The following UPP2 variants were observed in gnomAD, a reference collection of about 807,000 sequenced individuals.
UPP2 encodes the protein uridine phosphorylase 2.
In UPP2, 23 loss-of-function variants were observed where a neutral mutation model predicts 26.7. That is an observed-to-expected ratio of 0.86 (90% CI 0.62 to 1.22). UPP2 has a LOEUF of 1.22. UPP2 is among the 50% of genes most tolerant of loss of function. The pLI is 0.00. For synonymous variants in UPP2, 127 were observed against 141.3 expected (o/e 0.90, Z 0.72); for missense variants, 387 against 396.7 (o/e 0.98, Z 0.21).
At chr2:158,072,663 GACA>G (rs1682562191) in intron 3 of UPP2, among the ~76,000 whole-genome samples, 1 of 144,462 alleles carries the variant, frequency 6.9e-6, no homozygotes, top group Non-Finnish European at 1.5e-5. Context: ...CAGACAGACA[GACA>G]GACAGACAGA....
intron 3 of UPP2, among the ~76,000 whole-genome samples, chr2:158,034,916 A>C (rs1344173142): frequency 6.6e-6 from 1 of 152,112 alleles, no homozygotes; most frequent in Non-Finnish European, 1.5e-5. Flanking sequence ...CCTCCAAATA[A>C]AGTGCACATC....
chr2:158,025,836 G>A (rs970401980), intron 3 of UPP2, among the ~76,000 whole-genome samples: 11 of 152,232 alleles, frequency 7.2e-5, no homozygotes, highest in East Asian at 3.8e-4. Flanking sequence ...AACAATGTGC[G>A]TAGAGAGGTC....
intron 3 of UPP2, among the ~76,000 whole-genome samples, chr2:158,042,147 A>C (rs1448141632): frequency 6.6e-6 from 1 of 152,222 alleles, no homozygotes; most frequent in Non-Finnish European, 1.5e-5. Flanking sequence ...CGCCAGGCAT[A>C]GAAAAAAGTT....
At chr2:158,067,439 CAAAG>C (rs925002628) in intron 3 of UPP2, among the ~76,000 whole-genome samples, 2 of 149,306 alleles carry the variant, frequency 1.3e-5, no homozygotes, top group Non-Finnish European at 3.0e-5. Flanking sequence ...GGAGTGAAGA[CAAAG>C]AAAGACAAAT....
At chr2:158,066,370 T>C (rs1004915361) in intron 3 of UPP2, among the ~76,000 whole-genome samples, 2 of 152,240 alleles carry the variant, frequency 1.3e-5, no homozygotes, top group African/African-American at 4.8e-5. Context: ...CTTGTTTAAA[T>C]CTATTTGCTT....
In UPP2 at chr2:158,096,530, C is replaced by T. The variant is rs376703552; in HGVS notation, c.148-5510C>T. Among the ~76,000 whole-genome samples, 27 of 152,158 alleles carry T rather than the reference C, an allele frequency of 1.8e-4. 1 individual carries two copies. In the East Asian group the frequency reaches 3.1e-3, roughly 17 times the overall value. On this transcript the variant is annotated intron_variant, in intron 3 of 9. Coordinates refer to the UPP2 transcript ENST00000605860. ...AGGAGAATTGCTTGAGCCTGGGAAG[C>T]GGAGGTTGCGGTGAACTGAGATTGC...
intron 2 of UPP2, chr2:157,995,305 G>A (rs745510403): frequency 6.3e-7 from 1 of 1,591,618 alleles, no homozygotes; most frequent in African/African-American, 1.3e-5. Flanking sequence ...AAGCACATGT[G>A]TCTGGTCATA....
intron 3 of UPP2, among the ~76,000 whole-genome samples, chr2:158,081,587 A>C (rs1287644601): frequency 6.6e-6 from 1 of 152,200 alleles, no homozygotes; most frequent in Non-Finnish European, 1.5e-5. Context: ...CAGTGGTTGA[A>C]TAGATAAAGG....
chr2:158,035,968 T>C (rs1405199996), intron 3 of UPP2, among the ~76,000 whole-genome samples: 1 of 152,172 alleles, frequency 6.6e-6, no homozygotes, highest in Admixed American at 6.5e-5. Context: ...TTGTGTCAAA[T>C]AGTTGGCCAA....
rs1553467788 is a variant in UPP2 at position 158,083,865 on chromosome 2, T to TATATATATATATATATATATATATA, written c.148-18175_148-18174insATATATATATATATATATATATATA. Among the ~76,000 whole-genome samples, 112 of 118,670 alleles carry TATATATATATATATATATATATATA rather than the reference T, an allele frequency of 9.4e-4. 1 individual carries two copies. The highest frequency in any genetic ancestry group is 3.3e-3 in the African/African-American group (104 of 31,166). 77.9% of individuals were successfully genotyped at this position (118,670 alleles called of 152,430 possible). A position where few individuals can be genotyped will look rare whatever the true frequency, so the allele number is the denominator to read the frequency against. Reference sequence around the variant, plus strand: ...TTATGTCTGTTTATATATATATGTTTTTTATATATATATATATATCTCACA... The same window carrying TATATATATATATATATATATATATA: ...TTATGTCTGTTTATATATATATGTTTATATATATATATATATATATATATATTTATATATATATATATATCTCACA... On this transcript the variant is annotated intron_variant, in intron 3 of 9. Transcript: ENST00000605860.
chr2:158,108,885 A>AGTGTGT, intron 2 of UPP2, among the ~76,000 whole-genome samples: 1 of 122,782 alleles, frequency 8.1e-6, no homozygotes, highest in East Asian at 2.5e-4. Flanking sequence ...AGGAGGCAAA[A>AGTGTGT]GCGTGTGTGT....
At chr2:157,999,063 A>G (rs1170707997) in intron 2 of UPP2, among the ~76,000 whole-genome samples, 2 of 152,108 alleles carry the variant, frequency 1.3e-5, no homozygotes, top group East Asian at 1.9e-4. Context: ...TTCTATTGAC[A>G]TGTCCTCATT....
intron 3 of UPP2, among the ~76,000 whole-genome samples, chr2:158,020,505 C>T (rs1683732840): frequency 6.6e-6 from 1 of 152,218 alleles, no homozygotes; most frequent in African/African-American, 2.4e-5. Flanking sequence ...AATTGATCTT[C>T]TCCTAGTTCC....
At chr2:158,002,144 G>A (rs1403965131) in intron 2 of UPP2, among the ~76,000 whole-genome samples, 1 of 151,962 alleles carries the variant, frequency 6.6e-6, no homozygotes, top group Non-Finnish European at 1.5e-5. Flanking sequence ...TGCAGGGCAG[G>A]GGAATAAAAA....
chr2:158,036,754 T>C (rs1684007694), intron 3 of UPP2, among the ~76,000 whole-genome samples: 1 of 152,232 alleles, frequency 6.6e-6, no homozygotes, highest in Admixed American at 6.5e-5. Context: ...GTCAGTTATC[T>C]GTCCCTGTGG....
chr2:158,028,715 G>A (rs1276924163), intron 3 of UPP2, among the ~76,000 whole-genome samples: 2 of 152,216 alleles, frequency 1.3e-5, no homozygotes, highest in African/African-American at 2.4e-5. Flanking sequence ...AAGAAAAAGA[G>A]GTTTAATTGG....
At chr2:158,078,826 C>A (rs1682672870) in intron 3 of UPP2, among the ~76,000 whole-genome samples, 1 of 151,888 alleles carries the variant, frequency 6.6e-6, no homozygotes, top group Non-Finnish European at 1.5e-5. Context: ...GGGATGGATA[C>A]CCCGTTTACC....
chr2:158,057,148 T>C (rs540428676), intron 3 of UPP2, among the ~76,000 whole-genome samples: 1 of 152,292 alleles, frequency 6.6e-6, no homozygotes, highest in African/African-American at 2.4e-5. Context: ...GTCAACAAGA[T>C]TTATCACTGT....
At chr2:158,132,333 T>A (rs919479819) in intron 6 of UPP2, among the ~76,000 whole-genome samples, 2 of 152,226 alleles carry the variant, frequency 1.3e-5, no homozygotes, top group Admixed American at 6.5e-5. Context: ...CACCATGTGC[T>A]AGCTCAGGGG....
Sources: allele counts gnomAD v4.1 joint callset (sites outside exome capture counted in the v4.1 genomes callset), GRCh38; gene constraint gnomAD v4.1.1; transcripts MANE v1.5; gene names NCBI Gene and HGNC (gene_info 2026-07-23, HGNC 2026-07-21).